The following OXNAD1 variants were observed in gnomAD, a reference collection of about 807,000 sequenced individuals.
The protein encoded by OXNAD1 is oxidoreductase NAD binding domain containing 1, also known as oxidoreductase NAD-binding domain-containing protein 1.
A neutral mutation model predicts 32.9 loss-of-function variants in OXNAD1; 34 were observed. The observed-to-expected ratio is 1.03, with a 90% CI of 0.79 to 1.38. The LOEUF (loss-of-function observed/expected upper bound fraction) is 1.38, where lower values mean the gene tolerates loss of function less well. Among genes scored for constraint, OXNAD1 ranks in the 40% most tolerant of loss-of-function variants. The probability of loss-of-function intolerance (pLI) is 0.00; values close to 1 mark genes in which losing one functional copy is unlikely to be tolerated. For synonymous variants in OXNAD1, 134 were observed against 135.2 expected (o/e 0.99, Z 0.06); for missense variants, 407 against 379.4 (o/e 1.07, Z -0.60).
chr3:16,280,905 T>G lies in OXNAD1; in HGVS notation c.184-5437T>G, dbSNP rs774359122. 9.2e-5 allele frequency among the ~76,000 whole-genome samples: 14 copies of G among 152,366 alleles called. No homozygotes were observed. The highest frequency in any genetic ancestry group is 7.2e-5 in the African/African-American group (3 of 41,584). On this transcript the variant is annotated intron_variant, in intron 4 of 8. Transcript: ENST00000285083. This position sits in a 1 kb window ranked among gnomAD's most constrained non-coding sequence, Gnocchi z 4.5. ...CACTGGAAAAGCATAAATGTTGTTT[T>G]ATGGAAAACTTCATTTCCTGCCATG...
At chr3:16,319,350 T>A (rs1050585704) in intron 9 of OXNAD1, among the ~76,000 whole-genome samples, 6 of 152,222 alleles carry the variant, frequency 3.9e-5, no homozygotes, top group African/African-American at 1.4e-4. Flanking sequence ...CAAAGCATTA[T>A]AGTATGGGTT....
rs1475997740 is a variant in OXNAD1, at chr3:16,290,604, A to G, written c.290+4156A>G. The stretch of plus-strand genomic sequence containing the variant: ...TTTTGTATACCTCCTCTGTGATAGC[A>G]TATAGCAACTGTGTTAACAAATGCT... On this transcript the variant is annotated intron_variant, in intron 5 of 8. Transcript: ENST00000285083. The surrounding 1 kb of genome is among the most constrained non-coding windows in gnomAD (Gnocchi z 4.2). Among the ~76,000 whole-genome samples, 1 of 152,254 alleles carries G rather than the reference A, an allele frequency of 6.6e-6. No homozygotes were observed. Among genetic ancestry groups the G allele is most frequent in the Non-Finnish European group, 1.5e-5 (1 of 68,042 alleles).
Position 16,316,754 on chromosome 3 carries a change from G to A in OXNAD1, c.*30+13162G>A. 1 of 1,573,062 alleles carries A rather than the reference G, an allele frequency of 6.4e-7. No individual in the cohort carries two copies. Among genetic ancestry groups the A allele is most frequent in the South Asian group, 1.1e-5 (1 of 89,506 alleles). On this transcript the variant is annotated intron_variant, in intron 9 of 9. Coordinates refer to the OXNAD1 transcript ENST00000435829. The surrounding 1 kb of genome is among the most constrained non-coding windows in gnomAD (Gnocchi z 4.5). ...GTAACACACAACACCAGGGAAACCAGCCCCCAAACCAGCTGTTGGTAAGAT... is the reference window on the plus strand; with the variant it reads ...GTAACACACAACACCAGGGAAACCAACCCCCAAACCAGCTGTTGGTAAGAT...
At chr3:16,325,394 G>A (rs1036893419) in intron 9 of OXNAD1, among the ~76,000 whole-genome samples, 1 of 152,220 alleles carries the variant, frequency 6.6e-6, no homozygotes, top group African/African-American at 2.4e-5. Flanking sequence ...AGGTGTGAAG[G>A]TCTGAGACAG....
downstream of OXNAD1, among the ~76,000 whole-genome samples, chr3:16,307,846 A>G (rs1301335859): frequency 6.6e-6 from 1 of 152,192 alleles, no homozygotes; most frequent in Non-Finnish European, 1.5e-5. Flanking sequence ...GTTGTGGTAT[A>G]TTTATCAAAA....
Position 16,280,816 on chromosome 3 carries a change from A to G in OXNAD1, c.184-5526A>G, listed in dbSNP as rs868556692. 2.0e-5 allele frequency among the ~76,000 whole-genome samples: 3 copies of G among 152,238 alleles called. No individual in the cohort carries two copies. Among genetic ancestry groups the G allele is most frequent in the African/African-American group, 7.2e-5 (3 of 41,550 alleles). On this transcript the variant is annotated intron_variant, in intron 4 of 8. Coordinates refer to ENST00000285083, the MANE Select transcript of OXNAD1 (RefSeq NM_138381.5). This position sits in a 1 kb window ranked among gnomAD's most constrained non-coding sequence, Gnocchi z 4.5. ...TGATGGAATTTCCTTTTAGATGCTG[A>G]CTCTGCCTCAGCATTAAACATGTGT...
At chr3:16,267,326 CT>C (rs1341529923) in intron 1 of OXNAD1, among the ~76,000 whole-genome samples, 1 of 152,156 alleles carries the variant, frequency 6.6e-6, no homozygotes, top group Non-Finnish European at 1.5e-5. Context: ...TTGAGCAGTC[CT>C]TTAAAAATAT....
downstream of OXNAD1, chr3:16,339,632 C>T (rs535141921): frequency 1.3e-5 from 2 of 152,224 alleles, no homozygotes; most frequent in Non-Finnish European, 2.9e-5. Context: ...AAAATGGTCT[C>T]AGAGAGACTG....
At position 16,320,988 on chromosome 3, in the gene OXNAD1, T is replaced by A. The variant is rs924485587; in HGVS notation, c.*31-16124T>A. On this transcript the variant is annotated intron_variant, in intron 9 of 9. Coordinates refer to the OXNAD1 transcript ENST00000435829. The surrounding 1 kb of genome is among the most constrained non-coding windows in gnomAD (Gnocchi z 4.5). ...TCTATTATTAGGAGATTAGAATAGCTGAGGCGAGTGATGGTAGAGAGAAGT... is the reference window on the plus strand; with the variant it reads ...TCTATTATTAGGAGATTAGAATAGCAGAGGCGAGTGATGGTAGAGAGAAGT... Among the ~76,000 whole-genome samples the A allele has an allele frequency of 6.6e-6, 1 of 152,336 alleles. No homozygotes were observed. Among genetic ancestry groups the A allele is most frequent in the South Asian group, 2.1e-4 (1 of 4,828 alleles).
chr3:16,287,557 T>C lies in OXNAD1; in HGVS notation c.290+1109T>C, dbSNP rs1165200728. Among the ~76,000 whole-genome samples the C allele has an allele frequency of 1.3e-5, 2 of 152,202 alleles. No homozygotes were observed. The highest frequency in any genetic ancestry group is 2.4e-5 in the African/African-American group (1 of 41,444). ...GTTTAGCAGTCATTATATTGAAAAG[T>C]GGAAACTTTAATTGTAATGATCTGT... On this transcript the variant is annotated intron_variant, in intron 5 of 8. Coordinates refer to ENST00000285083, the MANE Select transcript of OXNAD1 (RefSeq NM_138381.5). This position sits in a 1 kb window ranked among gnomAD's most constrained non-coding sequence, Gnocchi z 4.8.
chr3:16,329,896 T>G lies in OXNAD1; in HGVS notation c.*31-7216T>G, dbSNP rs993019046. 6.6e-5 allele frequency among the ~76,000 whole-genome samples: 10 copies of G among 151,952 alleles called. No individual in the cohort carries two copies. The highest frequency in any genetic ancestry group is 2.2e-4 in the African/African-American group (9 of 41,356). ...ATTGGTGGCTGCATCTCGGGCCAGG[T>G]TTTCTCTGCGGGCACCCAGAGCTGC... On this transcript the variant is annotated intron_variant, in intron 9 of 9. Coordinates refer to the OXNAD1 transcript ENST00000435829. The surrounding 1 kb of genome is among the most constrained non-coding windows in gnomAD (Gnocchi z 4.5).
chr3:16,282,755 A>G (rs1256466186), intron 4 of OXNAD1, among the ~76,000 whole-genome samples: 2 of 151,924 alleles, frequency 1.3e-5, no homozygotes, highest in Non-Finnish European at 2.9e-5. Context: ...AGTTTGGCCA[A>G]AAAACCACAA....
In OXNAD1 at chr3:16,305,393, C is replaced by T. The variant is rs1457893739; in HGVS notation, c.*1831C>T. 6.6e-6 allele frequency: 1 copy of T among 152,206 alleles called. No individual in the cohort carries two copies. Among genetic ancestry groups the T allele is most frequent in the African/African-American group, 2.4e-5 (1 of 41,410 alleles). The allele number at this position is 152,206 out of a possible 1,614,324, so 9.4% of individuals were successfully genotyped here. On this transcript the variant is annotated 3_prime_UTR_variant, in exon 9 of 9. Coordinates refer to ENST00000285083, the MANE Select transcript of OXNAD1 (RefSeq NM_138381.5). The surrounding 1 kb of genome is among the most constrained non-coding windows in gnomAD (Gnocchi z 4.5). ...AGAGAGCAAGGGTCATCTGTCCTGC[C>T]CAGCTATGCCTGCCACCCTGTTGCT...
Position 16,288,817 on chromosome 3 carries a change from G to C in OXNAD1, c.290+2369G>C, listed in dbSNP as rs2066241686. Reference sequence around the variant, plus strand: ...CTCCTCCCTTGGGGTGGAAAGCTTGGCACTCACTCTTGGGTCTGGAGCATG... The same window carrying C: ...CTCCTCCCTTGGGGTGGAAAGCTTGCCACTCACTCTTGGGTCTGGAGCATG... On this transcript the variant is annotated intron_variant, in intron 5 of 8. Transcript: ENST00000285083. The surrounding 1 kb of genome is among the most constrained non-coding windows in gnomAD (Gnocchi z 5.1). Among the ~76,000 whole-genome samples the C allele has an allele frequency of 6.6e-6, 1 of 152,170 alleles. No individual in the cohort carries two copies. The highest frequency in any genetic ancestry group is 6.5e-5 in the Admixed American group (1 of 15,284).
chr3:16,350,805 G>A (rs1002665912), downstream of OXNAD1, among the ~76,000 whole-genome samples: 7 of 152,138 alleles, frequency 4.6e-5, no homozygotes, highest in South Asian at 4.1e-4. Flanking sequence ...GCTGTCTTTG[G>A]CACTAAAGAC....
In OXNAD1 at chr3:16,302,919, T is replaced by C. The variant is rs911301038; in HGVS notation, c.784+171T>C. The stretch of plus-strand genomic sequence containing the variant: ...TGGATATTTAGTTGGGTTTACTCAT[T>C]ATATACAGGTTTCCTATTGCCTGTG... On this transcript the variant is annotated intron_variant, in intron 8 of 8. Coordinates refer to ENST00000285083, the MANE Select transcript of OXNAD1 (RefSeq NM_138381.5). This position sits in a 1 kb window ranked among gnomAD's most constrained non-coding sequence, Gnocchi z 4.2. Among the ~76,000 whole-genome samples, 7 of 152,194 alleles carry C rather than the reference T, an allele frequency of 4.6e-5. No homozygotes were observed. Among genetic ancestry groups the C allele is most frequent in the Non-Finnish European group, 8.8e-5 (6 of 68,036 alleles).
intron 9 of OXNAD1, among the ~76,000 whole-genome samples, chr3:16,318,648 G>A (rs1348230698): frequency 1.3e-5 from 2 of 152,152 alleles, no homozygotes; most frequent in African/African-American, 4.8e-5. Context: ...AGATAAGAAT[G>A]GTAATGGAAT....
In OXNAD1 at chr3:16,336,531, T is replaced by C. The variant is rs1046029728; in HGVS notation, c.*31-581T>C. Reference sequence around the variant, plus strand: ...CGCTGGCCGGCTAGAGATGTTGTTTTCTCCTTTGTTTTATGCACAATGCCC... The same window carrying C: ...CGCTGGCCGGCTAGAGATGTTGTTTCCTCCTTTGTTTTATGCACAATGCCC... On this transcript the variant is annotated intron_variant, in intron 9 of 9. Transcript: ENST00000435829. The surrounding 1 kb of genome is among the most constrained non-coding windows in gnomAD (Gnocchi z 6.0). Among the ~76,000 whole-genome samples, 9 of 152,214 alleles carry C rather than the reference T, an allele frequency of 5.9e-5. No homozygotes were observed. Among genetic ancestry groups the C allele is most frequent in the African/African-American group, 2.2e-4 (9 of 41,450 alleles).
In OXNAD1 at chr3:16,280,853, TG is replaced by T. The variant is rs2065687621; in HGVS notation, c.184-5487del. Among the ~76,000 whole-genome samples, 1 of 152,248 alleles carries T rather than the reference TG, an allele frequency of 6.6e-6. No homozygotes were observed. The highest frequency in any genetic ancestry group is 2.4e-5 in the African/African-American group (1 of 41,466). On this transcript the variant is annotated intron_variant, in intron 4 of 8. Transcript: ENST00000285083. This position sits in a 1 kb window ranked among gnomAD's most constrained non-coding sequence, Gnocchi z 4.5. The stretch of plus-strand genomic sequence containing the variant: ...CATTAAACATGTGTACTGGTAAAGT[TG>T]GCAAATGTGTTGTTATTTTACTGAA...
Sources: allele counts gnomAD v4.1 joint callset (sites outside exome capture counted in the v4.1 genomes callset), GRCh38; gene constraint gnomAD v4.1.1; non-coding constraint Gnocchi (gnomAD v3.1); transcripts MANE v1.5; gene names NCBI Gene and HGNC (gene_info 2026-07-23, HGNC 2026-07-21).